The following KANK1 variants were observed in gnomAD, a reference collection of about 807,000 sequenced individuals.
KANK1 encodes KN motif and ankyrin repeat domain-containing protein 1.
Under a neutral mutation model 106.2 loss-of-function variants are expected in KANK1, and 109 were observed. The ratio of observed to expected loss-of-function variants is 1.03; its 90% CI spans 0.88 to 1.20. KANK1 has a LOEUF of 1.20. Ranked by LOEUF, KANK1 falls within the 50% of genes most tolerant of loss-of-function variation. KANK1 has a pLI of 0.00. For synonymous variants in KANK1, 873 were observed against 652.2 expected (o/e 1.34, Z -5.16); for missense variants, 2,399 against 1,710.7 (o/e 1.40, Z -7.10).
Position 528,469 on chromosome 9 carries a change from CTTTTTTTTTTTT to C in KANK1, c.-84+23734_-84+23745del, listed in dbSNP as rs36072780. ...ACCATTTTACTGAATTAAAAAATAA[CTTTTTTTTTTTT>C]TTTTTTTTTTTTTTTTTTGAGACGG... On this transcript the variant is annotated intron_variant, in intron 1 of 11. Coordinates refer to ENST00000382297, the MANE Select transcript of KANK1 (RefSeq NM_015158.5). Among the ~76,000 whole-genome samples the C allele has an allele frequency of 1.7e-3, 145 of 85,136 alleles. 1 individual carries two copies. Among genetic ancestry groups the C allele is most frequent in the Non-Finnish European group, 2.4e-3 (98 of 41,370 alleles). 55.9% of individuals were successfully genotyped at this position (85,136 alleles called of 152,430 possible). A position where few individuals can be genotyped will look rare whatever the true frequency, so the allele number is the denominator to read the frequency against.
intron 1 of KANK1, among the ~76,000 whole-genome samples, chr9:671,913 A>C (rs1040285978): frequency 6.6e-6 from 1 of 151,304 alleles, no homozygotes. Flanking sequence ...GCGCCACTGC[A>C]CTCCAGCCTG....
At chr9:515,310 C>A (rs1171160115) in intron 1 of KANK1, among the ~76,000 whole-genome samples, 4 of 150,256 alleles carry the variant, frequency 2.7e-5, no homozygotes, top group Admixed American at 6.6e-5. Flanking sequence ...GTGCCACTGC[C>A]CTCCAGCCTG....
chr9:573,046 T>C (rs1587928576), intron 1 of KANK1, among the ~76,000 whole-genome samples: 4 of 152,276 alleles, frequency 2.6e-5, no homozygotes, highest in Non-Finnish European at 4.4e-5. Flanking sequence ...CTGGTGTAAA[T>C]TGTAATTACT....
At chr9:693,675 C>G in intron 2 of KANK1, 1 of 985,356 alleles carries the variant, frequency 1.0e-6, no homozygotes. Context: ...TCTGCAACAG[C>G]TCCTGGGCTC....
chr9:614,742 G>T (rs1831396342), intron 1 of KANK1, among the ~76,000 whole-genome samples: 1 of 152,116 alleles, frequency 6.6e-6, no homozygotes, highest in Admixed American at 6.5e-5. Flanking sequence ...AGAGATTTTG[G>T]TGTAGGTTGT....
upstream of KANK1, among the ~76,000 whole-genome samples, chr9:501,922 G>A (rs2058561346): frequency 6.6e-6 from 1 of 152,204 alleles, no homozygotes; most frequent in Admixed American, 6.5e-5. Flanking sequence ...TATATTTCAA[G>A]AAATGTTTCA....
chr9:608,028 A>ATTTTTTTTTTTTTTTT (rs1326986665), intron 1 of KANK1, among the ~76,000 whole-genome samples: 2 of 84,386 alleles, frequency 2.4e-5, no homozygotes, highest in African/African-American at 4.7e-5. Context: ...TATTATTATT[A>ATTTTTTTTTTTTTTTT]TTATTATTTT....
intron 1 of KANK1, among the ~76,000 whole-genome samples, chr9:531,825 G>C (rs2060070015): frequency 6.6e-6 from 1 of 152,126 alleles, no homozygotes; most frequent in African/African-American, 2.4e-5. Context: ...CCATATATCG[G>C]GAAAAAATGT....
intron 1 of KANK1, among the ~76,000 whole-genome samples, chr9:638,562 A>G (rs2137056656): frequency 6.6e-6 from 1 of 152,312 alleles, no homozygotes; most frequent in African/African-American, 2.4e-5. Flanking sequence ...CAGCTCTGTA[A>G]AGTGCCTCAA....
At chr9:500,972 T>TA (rs1296778457), upstream of KANK1, among the ~76,000 whole-genome samples, 3 of 152,168 alleles carry the variant, frequency 2.0e-5, no homozygotes, top group Admixed American at 1.3e-4. Context: ...CCCCAGCAGT[T>TA]ACTGAATGAC....
intron 1 of KANK1, among the ~76,000 whole-genome samples, chr9:537,013 T>C (rs888628387): frequency 1.3e-5 from 2 of 152,108 alleles, no homozygotes; most frequent in Non-Finnish European, 2.9e-5. Context: ...GCTACCTCCT[T>C]CTCTCTTTTA....
intron 1 of KANK1, among the ~76,000 whole-genome samples, chr9:668,329 C>T (rs1588732130): frequency 1.4e-5 from 2 of 146,812 alleles, no homozygotes; most frequent in East Asian, 4.1e-4. Context: ...TTGACGTCCT[C>T]CACTATTATT....
chr9:486,250 A>C (rs2058291504), intron 3 of KANK1, among the ~76,000 whole-genome samples: 1 of 152,242 alleles, frequency 6.6e-6, no homozygotes, highest in African/African-American at 2.4e-5. Context: ...TCAATTGCTT[A>C]ACCAGGATAC....
At chr9:676,232 C>A (rs1300108488) in intron 1 of KANK1, among the ~76,000 whole-genome samples, 1 of 152,064 alleles carries the variant, frequency 6.6e-6, no homozygotes, top group Non-Finnish European at 1.5e-5. Context: ...AAGGTCTCAG[C>A]CTTATTTTAT....
Position 711,886 on chromosome 9 carries a change from A to G in KANK1, c.1120A>G (p.Met374Val), listed in dbSNP as rs750611857. ...IKEFRQLTADMQALEQKIQDS... is the reference protein window; with the variant it reads ...IKEFRQLTADVQALEQKIQDS... Reference sequence around the variant, plus strand: ...GGAGTTCCGGCAACTTACAGCAGACATGCAAGCCCTGGAGCAGAAGATCCA... The same window carrying G: ...GGAGTTCCGGCAACTTACAGCAGACGTGCAAGCCCTGGAGCAGAAGATCCA... The change falls in exon 3 of 12, where the codon ATG (methionine) becomes GTG (valine). Residue 374 changes from methionine (M) to valine (V), a missense_variant. Met to Val is a conservative substitution (Grantham distance 21). Transcript: ENST00000382297. 1.2e-6 allele frequency: 2 copies of G among 1,614,082 alleles called. No homozygotes were observed. Among genetic ancestry groups the G allele is most frequent in the Admixed American group, 1.7e-5 (1 of 60,010 alleles).
At chr9:666,901 C>CTT (rs35149316) in intron 1 of KANK1, among the ~76,000 whole-genome samples, 77 of 53,446 alleles carry the variant, frequency 1.4e-3, no homozygotes, top group African/African-American at 2.6e-3. Flanking sequence ...CTATTGTTGT[C>CTT]TTTTTTTTTT....
intron 1 of KANK1, among the ~76,000 whole-genome samples, chr9:529,388 A>T (rs1395176650): frequency 6.6e-6 from 1 of 151,464 alleles, no homozygotes; most frequent in African/African-American, 2.4e-5. Flanking sequence ...TTCAGTAGAG[A>T]TGGGCTTTCA....
rs149642163 is a variant in KANK1, at chr9:480,785, C to T, written c.-362+7512C>T. 4.6e-4 allele frequency among the ~76,000 whole-genome samples: 70 copies of T among 152,292 alleles called. 1 individual carries two copies. The highest frequency in any genetic ancestry group is 1.7e-3 in the African/African-American group (70 of 41,580). On this transcript the variant is annotated intron_variant, in intron 3 of 15. Transcript: ENST00000382303. ...TCTCCACATTTGGAAAGCTGAAGATCTGCAGATTAGGGGTGACACTCAAAT... is the reference window on the plus strand; with the variant it reads ...TCTCCACATTTGGAAAGCTGAAGATTTGCAGATTAGGGGTGACACTCAAAT...
chr9:509,603 C>G (rs2058939181), intron 1 of KANK1, among the ~76,000 whole-genome samples: 1 of 152,128 alleles, frequency 6.6e-6, no homozygotes, highest in Non-Finnish European at 1.5e-5. Flanking sequence ...TAATAATCCT[C>G]TTATTAGAAA....
Sources: gnomAD v4.1 joint callset for allele counts (sites outside exome capture counted in the v4.1 genomes callset) on GRCh38, gnomAD v4.1.1 for gene constraint, MANE v1.5 for transcripts, NCBI Gene and HGNC (gene_info 2026-07-23, HGNC 2026-07-21) for gene names.